The following RFX8 variants were observed in gnomAD, a reference collection of about 807,000 sequenced individuals.
RFX8 encodes DNA-binding protein RFX8.
Under a neutral mutation model 54.6 loss-of-function variants are expected in RFX8, and 46 were observed. That is an observed-to-expected ratio of 0.84 (90% CI 0.67 to 1.08). The LOEUF is 1.08. Ranked by LOEUF, RFX8 falls within the 50% of genes least tolerant of loss-of-function variation. The pLI is 0.00. For synonymous variants in RFX8, 192 were observed against 209.5 expected (o/e 0.92, Z 0.72); for missense variants, 536 against 562.3 (o/e 0.95, Z 0.47).
intron 8 of RFX8, among the ~76,000 whole-genome samples, chr2:101,411,484 G>C (rs551066531): frequency 3.2e-5 from 2 of 62,250 alleles, no homozygotes; most frequent in South Asian, 1.8e-3. Flanking sequence ...TGGGCAGTCT[G>C]GAAGGCACCG....
chr2:101,465,723 GA>G (rs1289125782), intron 2 of RFX8, among the ~76,000 whole-genome samples: 2 of 151,990 alleles, frequency 1.3e-5, no homozygotes, highest in Non-Finnish European at 2.9e-5. Context: ...CAACTCTTTA[GA>G]AAAAAATACT....
intron 9 of RFX8, among the ~76,000 whole-genome samples, chr2:101,410,006 C>A (rs2104541105): frequency 6.6e-6 from 1 of 152,252 alleles, no homozygotes; most frequent in Non-Finnish European, 1.5e-5. Context: ...GACAACGAAA[C>A]CATCTTTGGG....
chr2:101,434,880 G>C (rs1021312925), intron 2 of RFX8: 1 of 152,266 alleles, frequency 6.6e-6, no homozygotes, highest in Admixed American at 6.5e-5. Flanking sequence ...GGCCTTGTTG[G>C]GGGGCCCTGG....
At chr2:101,427,804 A>C (rs906890334) in intron 2 of RFX8, among the ~76,000 whole-genome samples, 2 of 152,090 alleles carry the variant, frequency 1.3e-5, no homozygotes, top group Non-Finnish European at 2.9e-5. Context: ...CCCGACTACA[A>C]AACTGTGTCC....
intron 2 of RFX8, among the ~76,000 whole-genome samples, chr2:101,437,715 T>C (rs187786755): frequency 2.6e-5 from 4 of 152,376 alleles, no homozygotes; most frequent in South Asian, 4.1e-4. Flanking sequence ...TTACAAAAAC[T>C]GTGGTATAAT....
chr2:101,415,033 C>A, intron 6 of RFX8, 121 bp from the exon 7 acceptor site: 2 of 685,240 alleles, frequency 2.9e-6, no homozygotes, highest in Non-Finnish European at 5.1e-6. Flanking sequence ...GCAACTTCCC[C>A]CACCCCCGTG....
At chr2:101,471,879 T>C (rs1690015515) in intron 1 of RFX8, among the ~76,000 whole-genome samples, 1 of 152,212 alleles carries the variant, frequency 6.6e-6, no homozygotes, top group Non-Finnish European at 1.5e-5. Context: ...AATGAAGTAA[T>C]GTGGAAAATG....
intron 2 of RFX8, among the ~76,000 whole-genome samples, chr2:101,430,146 G>A (rs1045780128): frequency 5.3e-5 from 8 of 152,190 alleles, no homozygotes; most frequent in African/African-American, 1.9e-4. Flanking sequence ...TATCAAAATA[G>A]AAATTTTACC....
At chr2:101,409,348 G>A (rs1394859074) in intron 9 of RFX8, among the ~76,000 whole-genome samples, 3 of 151,950 alleles carry the variant, frequency 2.0e-5, no homozygotes, top group Admixed American at 6.6e-5. Flanking sequence ...TCAGCCTCCC[G>A]AGTAGCTGGG....
At chr2:101,414,558 G>GC (rs578260211) in intron 7 of RFX8, among the ~76,000 whole-genome samples, 32 of 152,002 alleles carry the variant, frequency 2.1e-4, no homozygotes, top group Non-Finnish European at 3.8e-4. Context: ...ACAGGTACGA[G>GC]CCCCCCACGC....
intron 2 of RFX8, among the ~76,000 whole-genome samples, chr2:101,429,995 C>A (rs1019212255): frequency 2.0e-5 from 3 of 152,186 alleles, no homozygotes; most frequent in Non-Finnish European, 4.4e-5. Flanking sequence ...CAAACCAAGT[C>A]ATAGAAAACT....
intron 4 of RFX8, 183 bp downstream of exon 4, chr2:101,421,541 A>G: frequency 7.6e-7 from 1 of 1,314,036 alleles, no homozygotes. Context: ...CTGAATATCG[A>G]TCTCACCTTC....
chr2:101,405,889 TA>T, intron 10 of RFX8, 53 bp downstream of exon 10: 1 of 1,129,284 alleles, frequency 8.9e-7, no homozygotes, highest in Non-Finnish European at 1.3e-6. Flanking sequence ...ACTTATGCCA[TA>T]ATGACATTTT....
At chr2:101,418,762 T>A (rs1686684528) in intron 5 of RFX8, 89 bp downstream of exon 5, 1 of 771,324 alleles carries the variant, frequency 1.3e-6, no homozygotes, top group African/African-American at 1.7e-5. Flanking sequence ...CCATGGAGAC[T>A]GCAGAGAGGT....
intron 6 of RFX8, among the ~76,000 whole-genome samples, chr2:101,415,227 T>G (rs930654489): frequency 3.9e-5 from 6 of 152,148 alleles, no homozygotes; most frequent in Non-Finnish European, 8.8e-5. Flanking sequence ...TGTTAGGAAG[T>G]GGGGCCTTGG....
At position 101,412,905 on chromosome 2, in the gene RFX8, G is replaced by C. The variant is rs1240333981; in HGVS notation, c.718+10C>G. The C allele has an allele frequency of 1.8e-5, 28 of 1,545,274 alleles. No individual in the cohort carries two copies. Among genetic ancestry groups the C allele is most frequent in the Non-Finnish European group, 2.4e-5 (27 of 1,144,162 alleles). ...CACGCCAATAAAGCAAGCTGCAGAA[G>C]GAAGATTACATTTCATCTCTGGGTT... On this transcript the variant is annotated intron_variant, in intron 8 of 11. Coordinates refer to ENST00000428343, the MANE Select transcript of RFX8 (RefSeq NM_001145664.2).
chr2:101,414,090 C>T (rs1253227611), intron 7 of RFX8, among the ~76,000 whole-genome samples: 1 of 152,076 alleles, frequency 6.6e-6, no homozygotes, highest in Non-Finnish European at 1.5e-5. Context: ...CTCTAAATCA[C>T]CCCAGGATTG....
At chr2:101,474,132 GC>G in intron 1 of RFX8, 1 of 559,472 alleles carries the variant, frequency 1.8e-6, no homozygotes, top group South Asian at 2.1e-5. Context: ...GGCAGCCGTA[GC>G]GGGAACCACG....
At chr2:101,408,101 G>T (rs1378887505) in intron 9 of RFX8, among the ~76,000 whole-genome samples, 1 of 152,192 alleles carries the variant, frequency 6.6e-6, no homozygotes, top group East Asian at 1.9e-4. Flanking sequence ...AAGGCACAAC[G>T]ATGGAGACTT....
Sources: allele counts gnomAD v4.1 joint callset (sites outside exome capture counted in the v4.1 genomes callset), GRCh38; gene constraint gnomAD v4.1.1; transcripts MANE v1.5; gene names NCBI Gene and HGNC (gene_info 2026-07-23, HGNC 2026-07-21).